TMEM35A: variants seen among roughly 807,000 people sequenced by gnomAD.
TMEM35A encodes the protein nicotinic acetylcholine receptor chaperone.
For missense variants in TMEM35A, 83 were observed against 132.7 expected (o/e 0.63, Z 1.84); for synonymous variants, 50 against 54.7 (o/e 0.91, Z 0.38).
chrX:101,085,329 G>A (rs749778469), intron 1 of TMEM35A, among the ~76,000 whole-genome samples: 6 of 111,925 alleles, frequency 5.4e-5, no homozygotes, highest in South Asian at 3.7e-4. Flanking sequence ...GGCTGGGCGC[G>A]GTCGCTCACG....
chrX:101,094,471 G>C, intron 1 of TMEM35A, 102 bp from the exon 2 acceptor site: 1 of 832,231 alleles, frequency 1.2e-6, no homozygotes, highest in Admixed American at 3.3e-5. Context: ...TGGGACACCA[G>C]TGGCTGGTGT....
chrX:101,079,001 C>A lies in TMEM35A; in HGVS notation c.-2C>A, dbSNP rs1043500880. ...TTAGTTGGGACCTGCCTTGGCGACC[C>A]CATGGCATCCCCCAGAACCGTAACT... On this transcript the variant is annotated 5_prime_UTR_variant, in exon 1 of 2. Coordinates refer to ENST00000372930, the MANE Select transcript of TMEM35A (RefSeq NM_021637.3). 7 of 1,209,656 alleles carry A rather than the reference C, an allele frequency of 5.8e-6. No homozygotes were observed. Among genetic ancestry groups the A allele is most frequent in the Non-Finnish European group, 7.8e-6 (7 of 895,106 alleles).
chrX:101,087,879 G>T (rs2089312055), intron 1 of TMEM35A, among the ~76,000 whole-genome samples: 1 of 111,504 alleles, frequency 9.0e-6, no homozygotes, highest in Non-Finnish European at 1.9e-5. Flanking sequence ...GGGCATGGTG[G>T]CAAGCGCCTG....
intron 1 of TMEM35A, among the ~76,000 whole-genome samples, chrX:101,092,802 A>C (rs1602745576): frequency 9.0e-6 from 1 of 111,059 alleles, no homozygotes; most frequent in East Asian, 2.8e-4. Context: ...CGGAGGTTGC[A>C]GTGAGCCAAA....
At chrX:101,084,226 A>C (rs1226857841) in intron 1 of TMEM35A, among the ~76,000 whole-genome samples, 1 of 107,311 alleles carries the variant, frequency 9.3e-6, no homozygotes, top group Non-Finnish European at 1.9e-5. Flanking sequence ...GGTGTTTAGC[A>C]TTCATGTGGC....
chrX:101,095,101 G>A lies in TMEM35A; in HGVS notation c.*145G>A. 1.5e-6 allele frequency: 1 copy of A among 667,587 alleles called. No homozygotes were observed. Among genetic ancestry groups the A allele is most frequent in the Non-Finnish European group, 2.1e-6 (1 of 465,868 alleles). The allele number at this position is 667,587 out of a possible 1,213,427, so 55.0% of individuals were successfully genotyped here. A position where few individuals can be genotyped will look rare whatever the true frequency, so the allele number is the denominator to read the frequency against. On this transcript the variant is annotated 3_prime_UTR_variant, in exon 2 of 2. Coordinates refer to ENST00000372930, the MANE Select transcript of TMEM35A (RefSeq NM_021637.3). ...CAAGTTAATGACCCTATTGGCTTGTGTACATCTATATGCTAAAATGACTTC... is the reference window on the plus strand; with the variant it reads ...CAAGTTAATGACCCTATTGGCTTGTATACATCTATATGCTAAAATGACTTC...
At chrX:101,093,286 TTTTA>T (rs1262836234) in intron 1 of TMEM35A, among the ~76,000 whole-genome samples, 7 of 111,404 alleles carry the variant, frequency 6.3e-5, no homozygotes, top group Admixed American at 9.6e-5. Context: ...AAAAAATTCT[TTTTA>T]TTTATTTATT....
At chrX:101,086,908 T>C (rs1015079190) in intron 1 of TMEM35A, among the ~76,000 whole-genome samples, 6 of 108,222 alleles carry the variant, frequency 5.5e-5, no homozygotes, top group Non-Finnish European at 9.6e-5. Flanking sequence ...TAACTTGAGG[T>C]GGCCTGGACC....
At chrX:101,091,293 T>A (rs1285558107) in intron 1 of TMEM35A, among the ~76,000 whole-genome samples, 1 of 92,010 alleles carries the variant, frequency 1.1e-5, no homozygotes, top group Non-Finnish European at 2.1e-5. Flanking sequence ...CCATCTTTTC[T>A]CTCTCTCTCT....
intron 1 of TMEM35A, among the ~76,000 whole-genome samples, chrX:101,093,326 AT>A (rs2089329493): frequency 9.1e-6 from 1 of 110,376 alleles, no homozygotes; most frequent in African/African-American, 3.3e-5. Flanking sequence ...TTATTTATTT[AT>A]TTTTGAGATG....
intron 1 of TMEM35A, among the ~76,000 whole-genome samples, chrX:101,083,550 C>T (rs2089298463): frequency 9.0e-6 from 1 of 111,560 alleles, no homozygotes; most frequent in South Asian, 3.8e-4. Flanking sequence ...GGAAACACTC[C>T]CAATATGTTT....
chrX:101,090,856 A>G (rs1206037728), intron 1 of TMEM35A, among the ~76,000 whole-genome samples: 1 of 92,353 alleles, frequency 1.1e-5, no homozygotes, highest in Non-Finnish European at 2.1e-5. Context: ...TTTTTTTTTG[A>G]GACGGAGTCT....
Position 101,095,125 on chromosome X carries a change from T to C in TMEM35A, c.*169T>C. The C allele has an allele frequency of 1.9e-6, 1 of 529,132 alleles. No homozygotes were observed. Among genetic ancestry groups the C allele is most frequent in the Non-Finnish European group, 2.9e-6 (1 of 345,987 alleles). The allele number at this position is 529,132 out of a possible 1,213,427, so 43.6% of individuals were successfully genotyped here. ...TGTACATCTATATGCTAAAATGACT[T>C]CCCCACATTGACATTTGTGCGCCAC... On this transcript the variant is annotated 3_prime_UTR_variant, in exon 2 of 2. Coordinates refer to ENST00000372930, the MANE Select transcript of TMEM35A (RefSeq NM_021637.3).
chrX:101,091,461 C>A (rs762460399), intron 1 of TMEM35A, among the ~76,000 whole-genome samples: 1 of 110,644 alleles, frequency 9.0e-6, no homozygotes, highest in South Asian at 3.8e-4. Flanking sequence ...CACTGCCACG[C>A]CCAGCTAATT....
At chrX:101,080,343 T>C (rs1434577298) in intron 1 of TMEM35A, among the ~76,000 whole-genome samples, 4 of 111,862 alleles carry the variant, frequency 3.6e-5, no homozygotes, top group South Asian at 7.5e-4. Flanking sequence ...TGGCAAATTA[T>C]ATTAATAGAT....
chrX:101,085,971 A>C (rs1410414291), intron 1 of TMEM35A, among the ~76,000 whole-genome samples: 2 of 111,637 alleles, frequency 1.8e-5, no homozygotes, highest in East Asian at 2.8e-4. Flanking sequence ...ATTTAAAAAT[A>C]ACAAAAAATA....
At chrX:101,088,199 AAAAAAAC>A (rs766728647) in intron 1 of TMEM35A, among the ~76,000 whole-genome samples, 37 of 111,138 alleles carry the variant, frequency 3.3e-4, no homozygotes, top group African/African-American at 1.2e-3. Flanking sequence ...TTCCATCTCA[AAAAAAAC>A]AAAAAACAAA....
chrX:101,082,740 G>C (rs2089296402), intron 1 of TMEM35A, among the ~76,000 whole-genome samples: 1 of 110,229 alleles, frequency 9.1e-6, no homozygotes, highest in African/African-American at 3.3e-5. Context: ...TGCCTCCCGG[G>C]TTCAAGCGAT....
chrX:101,095,888 G>T lies in TMEM35A; in HGVS notation c.*932G>T, dbSNP rs1193566741. On this transcript the variant is annotated 3_prime_UTR_variant, in exon 2 of 2. Transcript: ENST00000372930. The stretch of plus-strand genomic sequence containing the variant: ...TCCACTGTTACGGTTGAGGGAACAG[G>T]GATCAGTCCTGTTAGAAGTCTGTGA... 2 of 111,901 alleles carry T rather than the reference G, an allele frequency of 1.8e-5. No individual in the cohort carries two copies. Among genetic ancestry groups the T allele is most frequent in the African/African-American group, 6.5e-5 (2 of 30,771 alleles). 9.2% of individuals were successfully genotyped at this position (111,901 alleles called of 1,213,427 possible). A position where few individuals can be genotyped will look rare whatever the true frequency, so the allele number is the denominator to read the frequency against.
Sources: gnomAD v4.1 joint callset for allele counts (sites outside exome capture counted in the v4.1 genomes callset) on GRCh38, gnomAD v4.1.1 for gene constraint, MANE v1.5 for transcripts, NCBI Gene and HGNC (gene_info 2026-07-23, HGNC 2026-07-21) for gene names.